The following THSD4 variants were observed in gnomAD, a reference collection of about 807,000 sequenced individuals.
THSD4 encodes thrombospondin type-1 domain-containing protein 4.
In THSD4, 69 loss-of-function variants were observed where a neutral mutation model predicts 119.0. The ratio of observed to expected loss-of-function variants is 0.58; its 90% CI spans 0.48 to 0.71. The LOEUF is 0.71. THSD4 is among the 30% of genes least tolerant of loss of function. THSD4 has a pLI of 0.00. For missense variants in THSD4, 1,393 were observed against 1,391.1 expected (o/e 1.00, Z -0.02); for synonymous variants, 524 against 540.4 (o/e 0.97, Z 0.42).
At chr15:71,126,507 C>A (rs2040457956) in intron 1 of THSD4, among the ~76,000 whole-genome samples, 1 of 152,210 alleles carries the variant, frequency 6.6e-6, no homozygotes, top group Non-Finnish European at 1.5e-5. Flanking sequence ...TAAATAAGAT[C>A]TAGCACCTCA....
chr15:71,591,767 A>G (rs2049812453), intron 7 of THSD4, among the ~76,000 whole-genome samples: 1 of 151,204 alleles, frequency 6.6e-6, no homozygotes, highest in Non-Finnish European at 1.5e-5. Flanking sequence ...ATAAATCCAG[A>G]TATGTTCCAT....
At chr15:71,127,293 A>G (rs2040463970) in intron 1 of THSD4, among the ~76,000 whole-genome samples, 1 of 152,226 alleles carries the variant, frequency 6.6e-6, no homozygotes, top group Non-Finnish European at 1.5e-5. Flanking sequence ...CATCATATGC[A>G]TAGGTATACC....
chr15:71,308,705 C>G (rs2045068208), intron 6 of THSD4, among the ~76,000 whole-genome samples: 1 of 152,118 alleles, frequency 6.6e-6, no homozygotes, highest in African/African-American at 2.4e-5. Context: ...ATGAATAATG[C>G]TGCTATGAAT....
At chr15:71,553,842 C>T (rs941554521) in intron 7 of THSD4, among the ~76,000 whole-genome samples, 3 of 152,174 alleles carry the variant, frequency 2.0e-5, no homozygotes, top group African/African-American at 4.8e-5. Context: ...TTCTTAATGT[C>T]GGACTGTCTT....
At chr15:71,460,547 A>C (rs979312412) in intron 7 of THSD4, among the ~76,000 whole-genome samples, 2 of 152,122 alleles carry the variant, frequency 1.3e-5, no homozygotes, top group Non-Finnish European at 2.9e-5. Flanking sequence ...CTCACATCAG[A>C]AGCTGACGGT....
At chr15:71,627,726 G>A (rs7167775) in intron 7 of THSD4, among the ~76,000 whole-genome samples, 52,745 of 152,010 alleles carry the variant, frequency 0.35, 9,504 homozygotes, top group Middle Eastern at 0.42. Flanking sequence ...AATAGGGCAG[G>A]GGAGAGGAAG....
rs1001014076 is a variant in THSD4, at chr15:71,439,562, A to G, written c.1152+27739A>G. Among the ~76,000 whole-genome samples, 5 of 152,184 alleles carry G rather than the reference A, an allele frequency of 3.3e-5. No homozygotes were observed. In the South Asian group the frequency reaches 1.0e-3, roughly 32 times the overall value. On this transcript the variant is annotated intron_variant, in intron 7 of 17. Transcript: ENST00000261862. ...AATCATTCTATAAAGACACATGCAC[A>G]TCTATGTTTATTGCAGCACTACTCA...
chr15:71,239,474 C>T (rs939397103), intron 4 of THSD4, among the ~76,000 whole-genome samples: 2 of 152,166 alleles, frequency 1.3e-5, no homozygotes, highest in African/African-American at 4.8e-5. Context: ...CCCCAGAAAG[C>T]TGGCCTCAGG....
chr15:71,550,272 G>T (rs1204359226), intron 7 of THSD4, among the ~76,000 whole-genome samples: 1 of 152,160 alleles, frequency 6.6e-6, no homozygotes, highest in African/African-American at 2.4e-5. Flanking sequence ...GGTGGGAATG[G>T]GAGGCTTGCA....
intron 7 of THSD4, among the ~76,000 whole-genome samples, chr15:71,496,568 G>A (rs368520389): frequency 3.3e-4 from 51 of 152,260 alleles, no homozygotes; most frequent in African/African-American, 1.2e-3. Context: ...TAAAGAAAGA[G>A]GAGAAAGGCA....
intron 6 of THSD4, among the ~76,000 whole-genome samples, chr15:71,355,856 GT>G (rs1238527614): frequency 3.7e-4 from 45 of 120,756 alleles, no homozygotes. Flanking sequence ...TCTAATTTAG[GT>G]TTTTCTTATT....
At chr15:71,652,356 A>G (rs918366218) in intron 7 of THSD4, among the ~76,000 whole-genome samples, 4 of 152,214 alleles carry the variant, frequency 2.6e-5, no homozygotes, top group African/African-American at 7.2e-5. Context: ...ATACGGCTCT[A>G]CACATTAAAA....
intron 3 of THSD4, among the ~76,000 whole-genome samples, chr15:71,192,040 T>C (rs1459405614): frequency 6.6e-6 from 1 of 151,704 alleles, no homozygotes; most frequent in African/African-American, 2.4e-5. Flanking sequence ...GTACCTGGGA[T>C]TACAGGTGCC....
chr15:71,442,660 G>GTGTATGTATGTCTATA, intron 7 of THSD4, among the ~76,000 whole-genome samples: 1 of 25,818 alleles, frequency 3.9e-5, no homozygotes, highest in African/African-American at 1.1e-4. Context: ...GTGTGTGTGT[G>GTGTATGTATGTCTATA]TATATATATA....
intron 6 of THSD4, among the ~76,000 whole-genome samples, chr15:71,279,570 T>C (rs2044628262): frequency 6.6e-6 from 1 of 152,186 alleles, no homozygotes; most frequent in Non-Finnish European, 1.5e-5. Flanking sequence ...TTGTGGCATC[T>C]CCAGGAGGGA....
intron 7 of THSD4, among the ~76,000 whole-genome samples, chr15:71,596,861 C>A (rs1438294987): frequency 6.6e-6 from 1 of 152,088 alleles, no homozygotes; most frequent in African/African-American, 2.4e-5. Flanking sequence ...CCTAGGTGAC[C>A]CTGGTTCTCC....
At chr15:71,507,096 A>G (rs917280194) in intron 7 of THSD4, among the ~76,000 whole-genome samples, 2 of 152,226 alleles carry the variant, frequency 1.3e-5, no homozygotes, top group African/African-American at 4.8e-5. Context: ...AAAATGAGAC[A>G]TGAGCACATG....
chr15:71,531,624 G>A (rs1198122011), intron 7 of THSD4, among the ~76,000 whole-genome samples: 3 of 152,216 alleles, frequency 2.0e-5, no homozygotes, highest in African/African-American at 7.2e-5. Flanking sequence ...GCCTTGACCT[G>A]ACCTGTCCAC....
At chr15:71,493,667 C>A (rs371389690) in intron 7 of THSD4, among the ~76,000 whole-genome samples, 24 of 152,290 alleles carry the variant, frequency 1.6e-4, no homozygotes, top group African/African-American at 5.5e-4. Context: ...GATTAGATTG[C>A]CCCAGAATTG....
Sources: gnomAD v4.1 joint callset for allele counts (sites outside exome capture counted in the v4.1 genomes callset) on GRCh38, gnomAD v4.1.1 for gene constraint, MANE v1.5 for transcripts, NCBI Gene and HGNC (gene_info 2026-07-23, HGNC 2026-07-21) for gene names.